The following EEA1 variants were observed in gnomAD, a reference collection of about 807,000 sequenced individuals.
The protein encoded by EEA1 is early endosome antigen 1, also known as early endosome antigen 1, 162kD.
Under a neutral mutation model 209.2 loss-of-function variants are expected in EEA1, and 111 were observed. That is an observed-to-expected ratio of 0.53 (90% CI 0.45 to 0.62). EEA1 has a LOEUF of 0.62. Ranked by LOEUF, EEA1 falls within the 20% of genes least tolerant of loss-of-function variation. The pLI is 0.00. For synonymous variants in EEA1, 536 were observed against 540.6 expected, an observed-to-expected ratio of 0.99 and a Z score of 0.12; for missense variants, 1,343 against 1,530.8, an observed-to-expected ratio of 0.88 and a Z score of 2.05.
At chr12:92,843,890 G>A (rs1399717432) in intron 9 of EEA1, among the ~76,000 whole-genome samples, 1 of 151,986 alleles carries the variant, frequency 6.6e-6, no homozygotes, top group East Asian at 1.9e-4. Context: ...ACTTATCACG[G>A]CAACAATGCT....
intron 1 of EEA1, among the ~76,000 whole-genome samples, chr12:92,925,190 A>AAAC (rs1555210425): frequency 6.6e-6 from 1 of 151,832 alleles, no homozygotes; most frequent in African/African-American, 2.4e-5. Context: ...TCAAAAAAAA[A>AAAC]AAAAAAAACA....
chr12:92,889,737 A>G (rs953700709), intron 2 of EEA1, among the ~76,000 whole-genome samples: 4 of 152,126 alleles, frequency 2.6e-5, no homozygotes, highest in Non-Finnish European at 5.9e-5. Context: ...CGTCTCTACT[A>G]AAAACAAAAC....
intron 1 of EEA1, among the ~76,000 whole-genome samples, chr12:92,900,632 G>C (rs1175292258): frequency 1.3e-5 from 2 of 151,188 alleles, no homozygotes; most frequent in Non-Finnish European, 2.9e-5. Flanking sequence ...TTTTAAAAGA[G>C]CATTTAAATT....
At chr12:92,881,299 T>C (rs1879128343) in intron 2 of EEA1, among the ~76,000 whole-genome samples, 1 of 152,026 alleles carries the variant, frequency 6.6e-6, no homozygotes, top group Non-Finnish European at 1.5e-5. Context: ...GGTCCCCAGC[T>C]ACCTACTCTA....
At chr12:92,858,535 C>A in intron 3 of EEA1, 1 of 786,368 alleles carries the variant, frequency 1.3e-6, no homozygotes. Context: ...TGTATGTAGG[C>A]CTTTAACCAT....
At chr12:92,880,615 C>T (rs1217808919) in intron 2 of EEA1, among the ~76,000 whole-genome samples, 2 of 152,150 alleles carry the variant, frequency 1.3e-5, no homozygotes, top group Non-Finnish European at 2.9e-5. Flanking sequence ...GCTGGGACTA[C>T]AGGCACCCAC....
chr12:92,785,326 T>C (rs1224439551), intron 22 of EEA1, among the ~76,000 whole-genome samples: 2 of 152,160 alleles, frequency 1.3e-5, no homozygotes. Flanking sequence ...TCCATTCTAC[T>C]GGTGTCTAGG....
chr12:92,873,165 T>TA (rs1472136963), intron 2 of EEA1, among the ~76,000 whole-genome samples: 3 of 152,206 alleles, frequency 2.0e-5, no homozygotes, highest in Non-Finnish European at 4.4e-5. Flanking sequence ...TCCTTATCTA[T>TA]AAAATGGGGC....
chr12:92,835,753 C>A (rs951715773), intron 10 of EEA1, among the ~76,000 whole-genome samples: 1 of 152,000 alleles, frequency 6.6e-6, no homozygotes, highest in Non-Finnish European at 1.5e-5. Context: ...ATGGTAACAA[C>A]TAGGGACTGT....
chr12:92,837,711 T>C (rs963984415), intron 10 of EEA1, among the ~76,000 whole-genome samples: 48 of 152,340 alleles, frequency 3.2e-4, no homozygotes, highest in African/African-American at 1.1e-3. Context: ...CTAGTAATTA[T>C]AAAACACTGG....
intron 23 of EEA1, 68 bp downstream of exon 23, chr12:92,781,882 T>C: frequency 7.0e-7 from 1 of 1,433,588 alleles, no homozygotes; most frequent in African/African-American, 1.4e-5. Context: ...AATAAGAGGT[T>C]TGACTGGATG....
chr12:92,874,518 G>A (rs898752410), intron 2 of EEA1, among the ~76,000 whole-genome samples: 1 of 151,836 alleles, frequency 6.6e-6, no homozygotes, highest in Non-Finnish European at 1.5e-5. Context: ...GGCGCTTGCC[G>A]CCAGGCCTGG....
intron 11 of EEA1, among the ~76,000 whole-genome samples, chr12:92,829,263 C>T (rs984465816): frequency 5.3e-5 from 8 of 151,502 alleles, no homozygotes. Context: ...GCTGAAATCT[C>T]GCCACTGCAC....
At chr12:92,826,714 C>CA (rs1210921584) in intron 12 of EEA1, among the ~76,000 whole-genome samples, 1,649 of 56,804 alleles carry the variant, frequency 0.029, 25 homozygotes, top group African/African-American at 0.057. Flanking sequence ...GACTCCGTCT[C>CA]AAAAAAAAAA....
At chr12:92,881,980 C>T (rs1354995921) in intron 2 of EEA1, among the ~76,000 whole-genome samples, 1 of 152,150 alleles carries the variant, frequency 6.6e-6, no homozygotes, top group Non-Finnish European at 1.5e-5. Flanking sequence ...CCTCATCCTA[C>T]TCAACATAAA....
At chr12:92,804,997 G>A (rs1324225821) in intron 18 of EEA1, among the ~76,000 whole-genome samples, 1 of 152,178 alleles carries the variant, frequency 6.6e-6, no homozygotes, top group African/African-American at 2.4e-5. Flanking sequence ...AATAGGATGT[G>A]GGAGCCCTGT....
At chr12:92,842,836 T>G (rs1275080758) in intron 9 of EEA1, among the ~76,000 whole-genome samples, 1 of 152,204 alleles carries the variant, frequency 6.6e-6, no homozygotes, top group East Asian at 1.9e-4. Flanking sequence ...TACTTTAAGT[T>G]TCTGAAGTAT....
chr12:92,923,298 AGATTGCGCCACTGCACTCCAGCCTGG>A (rs1186812056), intron 1 of EEA1, among the ~76,000 whole-genome samples: 3 of 152,292 alleles, frequency 2.0e-5, no homozygotes, highest in Admixed American at 2.0e-4. Context: ...TAGTGAGCCG[AGATTGCGCCACTGCACTCCAGCCTGG>A]GCGACAGAGC....
At chr12:92,867,463 A>C (rs1234444533) in intron 2 of EEA1, among the ~76,000 whole-genome samples, 1 of 151,754 alleles carries the variant, frequency 6.6e-6, no homozygotes, top group Non-Finnish European at 1.5e-5. Context: ...AAAATTGGCC[A>C]AAAAAAAGAA....
Sources: allele counts gnomAD v4.1 joint callset (sites outside exome capture counted in the v4.1 genomes callset), GRCh38; gene constraint gnomAD v4.1.1; transcripts MANE v1.5; gene names NCBI Gene and HGNC (gene_info 2026-07-23, HGNC 2026-07-21).